Variants in FGL1 observed in about 807,000 individuals in gnomAD.
The protein encoded by FGL1 is fibrinogen like 1, also known as fibrinogen-like protein 1.
Under a neutral mutation model 43.7 loss-of-function variants are expected in FGL1, and 59 were observed. The ratio of observed to expected loss-of-function variants is 1.35; its 90% CI spans 1.10 to 1.68. The LOEUF is 1.68. Ranked by LOEUF, FGL1 falls within the 40% of genes most tolerant of loss-of-function variation. FGL1 has a pLI of 0.00. For missense variants in FGL1, 596 were observed against 373.0 expected, an observed-to-expected ratio of 1.60 and a Z score of -4.92; for synonymous variants, 192 against 126.5, an observed-to-expected ratio of 1.52 and a Z score of -3.48.
intron 2 of FGL1, among the ~76,000 whole-genome samples, chr8:17,883,926 C>T (rs1480882713): frequency 1.4e-5 from 2 of 147,184 alleles, no homozygotes; most frequent in Admixed American, 6.9e-5. Context: ...TCTCTTTCTC[C>T]TTCCCTCCTT....
At chr8:17,875,745 C>G (rs1234612166) in intron 3 of FGL1, among the ~76,000 whole-genome samples, 1 of 151,994 alleles carries the variant, frequency 6.6e-6, no homozygotes, top group Non-Finnish European at 1.5e-5. Context: ...GCTGGGATCA[C>G]AGCCACGCAC....
At chr8:17,875,312 A>AT (rs1048821226) in intron 3 of FGL1, among the ~76,000 whole-genome samples, 1 of 152,020 alleles carries the variant, frequency 6.6e-6, no homozygotes, top group African/African-American at 2.4e-5. Context: ...GCCTTATTAG[A>AT]TTTTTTACTA....
intron 1 of FGL1, 186 bp from the exon 2 acceptor site, chr8:17,885,757 T>A: frequency 1.9e-6 from 1 of 536,034 alleles, no homozygotes; most frequent in Non-Finnish European, 3.3e-6. Flanking sequence ...GAGTGTTAAC[T>A]AGAATTGAAT....
At chr8:17,888,579 G>T (rs557463355) in intron 1 of FGL1, among the ~76,000 whole-genome samples, 1 of 152,096 alleles carries the variant, frequency 6.6e-6, no homozygotes, top group East Asian at 1.9e-4. Context: ...TTTTCATTCC[G>T]ATCCTGGGGG....
At chr8:17,873,986 T>C (rs1330831386) in intron 5 of FGL1, 33 bp downstream of exon 5, 2 of 1,475,378 alleles carry the variant, frequency 1.4e-6, no homozygotes, top group African/African-American at 1.5e-5. Flanking sequence ...TTTTATTATA[T>C]TTCAAATAAA....
At chr8:17,883,676 T>TAA (rs1475768450) in intron 2 of FGL1, among the ~76,000 whole-genome samples, 3 of 146,060 alleles carry the variant, frequency 2.1e-5, no homozygotes, top group Non-Finnish European at 4.5e-5. Context: ...ATATAGTCTA[T>TAA]AATATATATA....
In FGL1 at chr8:17,864,726, C is replaced by T. The variant is rs1369123448; in HGVS notation, c.805G>A (p.Val269Ile). The change falls in exon 8 of 8, where the codon GTA (valine) becomes ATA (isoleucine). Residue 269 changes from valine (V) to isoleucine (I), a missense_variant. Val to Ile is a conservative substitution (Grantham distance 29, BLOSUM62 3). Coordinates refer to ENST00000427924, the MANE Select transcript of FGL1 (RefSeq NM_004467.4). ...NRCHSANLNG[V>I]YYSGPYTAKT... Reference sequence around the variant, plus strand: ...GCCGTGTAGGGGCCGCTGTAGTATACACCATTCAGGTTTGCAGAGTGACAC... The same window carrying T: ...GCCGTGTAGGGGCCGCTGTAGTATATACCATTCAGGTTTGCAGAGTGACAC... The T allele has an allele frequency of 6.3e-7, 1 of 1,585,274 alleles. No individual in the cohort carries two copies. Among genetic ancestry groups the T allele is most frequent in the Admixed American group, 1.9e-5 (1 of 53,316 alleles).
chr8:17,879,097 A>G (rs534627899), intron 3 of FGL1, among the ~76,000 whole-genome samples: 2 of 151,476 alleles, frequency 1.3e-5, no homozygotes, highest in Non-Finnish European at 2.9e-5. Flanking sequence ...TATTGTTTTA[A>G]TCTACTGAAT....
intron 5 of FGL1, among the ~76,000 whole-genome samples, chr8:17,872,909 T>G (rs2053386716): frequency 6.6e-6 from 1 of 152,152 alleles, no homozygotes; most frequent in African/African-American, 2.4e-5. Flanking sequence ...GATGGATTGA[T>G]GGACGGATTG....
chr8:17,884,405 G>T (rs1042540585), intron 2 of FGL1, among the ~76,000 whole-genome samples: 1 of 152,100 alleles, frequency 6.6e-6, no homozygotes, highest in African/African-American at 2.4e-5. Context: ...ATGTTGCCCA[G>T]TCTGGTCTCA....
chr8:17,885,483 G>C lies in FGL1; in HGVS notation c.63+9C>G, dbSNP rs187245262. 3,311 of 1,604,724 alleles carry C rather than the reference G, an allele frequency of 2.1e-3. 9 individuals carry two copies. Among genetic ancestry groups the C allele is most frequent in the Admixed American group, 2.3e-3 (140 of 59,750 alleles). ...ATAAATATGACAATAGTTTTCCCAA[G>C]AAGCTTACCGAAATTTCCCTGCCCA... is the stretch of plus-strand genomic sequence containing the variant. On this transcript the variant is annotated intron_variant, in intron 2 of 7. Coordinates refer to ENST00000427924, the MANE Select transcript of FGL1 (RefSeq NM_004467.4).
Position 17,885,558 on chromosome 8 carries a change from C to G in FGL1, c.-4G>C, listed in dbSNP as rs766639216. ...TGAAACTGAACACCTTTGCCATGTTCCCCCTTGAAAAAACTGCAAGAACAA... is the reference window on the plus strand; with the variant it reads ...TGAAACTGAACACCTTTGCCATGTTGCCCCTTGAAAAAACTGCAAGAACAA... On this transcript the variant is annotated 5_prime_UTR_variant, in exon 2 of 8. Coordinates refer to ENST00000427924, the MANE Select transcript of FGL1 (RefSeq NM_004467.4). The G allele has an allele frequency of 3.1e-6, 5 of 1,612,798 alleles. No individual in the cohort carries two copies. The East Asian group carries it at 1.1e-4, about 36-fold the overall frequency.
At chr8:17,869,577 G>A (rs755198238) in intron 5 of FGL1, among the ~76,000 whole-genome samples, 1 of 152,150 alleles carries the variant, frequency 6.6e-6, no homozygotes, top group Non-Finnish European at 1.5e-5. Context: ...ATTGTTATCC[G>A]AAAACCTTCG....
intron 7 of FGL1, among the ~76,000 whole-genome samples, chr8:17,865,965 T>C (rs35664028): frequency 5.9e-5 from 9 of 152,312 alleles, no homozygotes; most frequent in African/African-American, 2.2e-4. Context: ...AATATGTATG[T>C]CAAGTCTGCA....
chr8:17,891,090 A>T (rs1437334773), intron 1 of FGL1, among the ~76,000 whole-genome samples: 1 of 152,164 alleles, frequency 6.6e-6, no homozygotes, highest in Non-Finnish European at 1.5e-5. Flanking sequence ...TACCTACTCC[A>T]ACCGCCCTGT....
chr8:17,888,993 C>T (rs1045476371), intron 1 of FGL1, among the ~76,000 whole-genome samples: 2 of 152,158 alleles, frequency 1.3e-5, no homozygotes, highest in East Asian at 3.9e-4. Context: ...TAATGACACA[C>T]AATAATTGCT....
chr8:17,884,565 G>A (rs1187918145), intron 2 of FGL1, among the ~76,000 whole-genome samples: 1 of 152,146 alleles, frequency 6.6e-6, no homozygotes, highest in Non-Finnish European at 1.5e-5. Context: ...TTCTGAGATA[G>A]TTATTTGCTT....
intron 1 of FGL1, among the ~76,000 whole-genome samples, chr8:17,886,578 C>T (rs1024319872): frequency 6.6e-6 from 1 of 151,836 alleles, no homozygotes; most frequent in Non-Finnish European, 1.5e-5. Context: ...GTCAACATGG[C>T]GAAACCCTGT....
Position 17,864,493 on chromosome 8 carries a change from A to G in FGL1, c.*99T>C. On this transcript the variant is annotated 3_prime_UTR_variant, in exon 8 of 8. Transcript: ENST00000427924. ...AGAAGAATGAAAAGCACTACTCACA[A>G]CAGTTATCATGATTGCGCATGGATA... 2 of 1,315,028 alleles carry G rather than the reference A, an allele frequency of 1.5e-6. No individual in the cohort carries two copies. Among genetic ancestry groups the G allele is most frequent in the Non-Finnish European group, 2.1e-6 (2 of 965,444 alleles). 81.5% of individuals were successfully genotyped at this position (1,315,028 alleles called of 1,614,324 possible). A position where few individuals can be genotyped will look rare whatever the true frequency, so the allele number is the denominator to read the frequency against.
Sources: gnomAD v4.1 joint callset for allele counts (sites outside exome capture counted in the v4.1 genomes callset) on GRCh38, gnomAD v4.1.1 for gene constraint, MANE v1.5 for transcripts, NCBI Gene and HGNC (gene_info 2026-07-23, HGNC 2026-07-21) for gene names.